Variants in KICS2 observed in about 807,000 individuals in gnomAD.
KICS2 encodes the protein KICSTOR complex protein C12orf66.
In KICS2, 13 loss-of-function variants were observed where a neutral mutation model predicts 31.4. The observed-to-expected ratio is 0.41, with a 90% CI of 0.27 to 0.66. The LOEUF (loss-of-function observed/expected upper bound fraction) is 0.66. Ranked by LOEUF, KICS2 falls within the 30% of genes least tolerant of loss-of-function variation. The pLI is 0.28. For missense variants in KICS2, 455 were observed against 545.4 expected (o/e 0.83, Z 1.65); for synonymous variants, 209 against 214.8 (o/e 0.97, Z 0.24).
rs1479299805 is a variant in KICS2 at position 64,191,902 on chromosome 12, C to G, written c.*1940G>C. The G allele has an allele frequency of 2.0e-5, 3 of 151,946 alleles. No homozygotes were observed. Among genetic ancestry groups the G allele is most frequent in the Non-Finnish European group, 4.4e-5 (3 of 68,068 alleles). 9.4% of individuals were successfully genotyped at this position (151,946 alleles called of 1,614,324 possible). ...CCAGCCCGAGCAACATAGTGAGACC[C>G]AGGTGTGATGGCTCATGCCTGTAAT... is the stretch of plus-strand genomic sequence containing the variant. On this transcript the variant is annotated 3_prime_UTR_variant, in exon 3 of 3. Coordinates refer to ENST00000398055, the MANE Select transcript of KICS2 (RefSeq NM_152440.5).
At chr12:64,194,686 G>C (rs1272837057) in intron 2 of KICS2, 28 bp from the exon 3 acceptor site, 1 of 1,565,618 alleles carries the variant, frequency 6.4e-7, no homozygotes, top group Non-Finnish European at 8.7e-7. Context: ...ATAGAGATAA[G>C]TGGAAATGTT....
intron 1 of KICS2, among the ~76,000 whole-genome samples, chr12:64,221,082 A>C (rs1434445919): frequency 1.5e-5 from 2 of 137,036 alleles, no homozygotes; most frequent in Admixed American, 1.5e-4. Flanking sequence ...CAGGCAATAT[A>C]AGGAAAGTAG....
intron 2 of KICS2, among the ~76,000 whole-genome samples, chr12:64,210,546 C>T (rs1235074411): frequency 6.6e-6 from 1 of 152,088 alleles, no homozygotes; most frequent in Non-Finnish European, 1.5e-5. Context: ...AAGGCCAAGG[C>T]AGGAGGATGG....
downstream of KICS2, among the ~76,000 whole-genome samples, chr12:64,188,790 T>C (rs767111261): frequency 5.3e-5 from 8 of 152,162 alleles, no homozygotes; most frequent in Admixed American, 1.3e-4. Flanking sequence ...TAAATTCATA[T>C]ACATTTCTTT....
rs115517533 is a variant in KICS2 at position 64,213,457 on chromosome 12, C to A, written c.521+2221G>T. Among the ~76,000 whole-genome samples, 515 of 152,206 alleles carry A rather than the reference C, an allele frequency of 3.4e-3. 4 individuals are homozygous for A. The highest frequency in any genetic ancestry group is 0.012 in the African/African-American group (488 of 41,522). On this transcript the variant is annotated intron_variant, in intron 2 of 2. Coordinates refer to ENST00000398055, the MANE Select transcript of KICS2 (RefSeq NM_152440.5). ...TCTATAAAAGGTGCACTATTTATAC[C>A]TGTACTTCAAACCAGGTAACCAAGA...
In KICS2 at chr12:64,193,573, A is replaced by G; in HGVS notation, c.*269T>C. ...CCAATAAATATTCAATCTACAAGAA[A>G]TATAGCAAAATAGGGGAAAATACTG... On this transcript the variant is annotated 3_prime_UTR_variant, in exon 3 of 3. Transcript: ENST00000398055. 1 of 1,201,586 alleles carries G rather than the reference A, an allele frequency of 8.3e-7. No individual in the cohort carries two copies. The highest frequency in any genetic ancestry group is 3.9e-5 in the East Asian group (1 of 25,770). The allele number at this position is 1,201,586 out of a possible 1,614,324, so 74.4% of individuals were successfully genotyped here.
At chr12:64,187,627 G>C (rs762625131), downstream of KICS2, 7 of 1,535,534 alleles carry the variant, frequency 4.6e-6, no homozygotes, top group African/African-American at 8.2e-5. Flanking sequence ...AAAAGGCCAC[G>C]AAATAATTGC....
In KICS2 at chr12:64,192,015, C is replaced by T. The variant is rs1401303819; in HGVS notation, c.*1827G>A. ...GAGTTGTGATTGTGCCACTGTACTCCAGCCTGGAAAACAGACAAGACCCTG... is the reference window on the plus strand; with the variant it reads ...GAGTTGTGATTGTGCCACTGTACTCTAGCCTGGAAAACAGACAAGACCCTG... On this transcript the variant is annotated 3_prime_UTR_variant, in exon 3 of 3. Coordinates refer to ENST00000398055, the MANE Select transcript of KICS2 (RefSeq NM_152440.5). 7.7e-6 allele frequency: 1 copy of T among 130,132 alleles called. No homozygotes were observed. The highest frequency in any genetic ancestry group is 2.3e-4 in the East Asian group (1 of 4,300). The allele number at this position is 130,132 out of a possible 1,614,324, so 8.1% of individuals were successfully genotyped here. A position where few individuals can be genotyped will look rare whatever the true frequency, so the allele number is the denominator to read the frequency against.
chr12:64,196,661 G>C (rs1437664706), intron 2 of KICS2, among the ~76,000 whole-genome samples: 1 of 145,068 alleles, frequency 6.9e-6, no homozygotes, highest in African/African-American at 2.5e-5. Context: ...TGAGCTACGG[G>C]AGGACATTCA....
intron 2 of KICS2, among the ~76,000 whole-genome samples, chr12:64,214,754 G>A (rs2037613157): frequency 6.6e-6 from 1 of 152,052 alleles, no homozygotes; most frequent in Non-Finnish European, 1.5e-5. Context: ...AGTGGCATGT[G>A]CCTGTAATCT....
chr12:64,215,031 T>C (rs1160908914), intron 2 of KICS2, among the ~76,000 whole-genome samples: 1 of 151,620 alleles, frequency 6.6e-6, no homozygotes, highest in Non-Finnish European at 1.5e-5. Flanking sequence ...TTCAGCCAGG[T>C]GCATTGGCTC....
Position 64,192,524 on chromosome 12 carries a change from C to T in KICS2, c.*1318G>A. 1 of 823,406 alleles carries T rather than the reference C, an allele frequency of 1.2e-6. No individual in the cohort carries two copies. The highest frequency in any genetic ancestry group is 1.5e-6 in the Non-Finnish European group (1 of 682,344). The allele number at this position is 823,406 out of a possible 1,614,324, so 51.0% of individuals were successfully genotyped here. A position where few individuals can be genotyped will look rare whatever the true frequency, so the allele number is the denominator to read the frequency against. On this transcript the variant is annotated 3_prime_UTR_variant, in exon 3 of 3. Transcript: ENST00000398055. Reference sequence around the variant, plus strand: ...GTCTCTGCTGATGTTGCTGGCATACCTGCTGTGGACACCCAGTAAAACAGT... The same window carrying T: ...GTCTCTGCTGATGTTGCTGGCATACTTGCTGTGGACACCCAGTAAAACAGT...
downstream of KICS2, among the ~76,000 whole-genome samples, chr12:64,189,803 G>A (rs186757385): frequency 2.0e-5 from 3 of 152,178 alleles, no homozygotes; most frequent in African/African-American, 7.2e-5. Context: ...TGATAAAATG[G>A]TGAATACAAG....
intron 2 of KICS2, among the ~76,000 whole-genome samples, chr12:64,210,804 A>T (rs1303660389): frequency 6.6e-6 from 1 of 152,164 alleles, no homozygotes; most frequent in Non-Finnish European, 1.5e-5. Flanking sequence ...TAGGGCACAA[A>T]TCTAATAAAA....
At chr12:64,186,992 G>A (rs752981967), downstream of KICS2, 3 of 152,164 alleles carry the variant, frequency 2.0e-5, no homozygotes, top group East Asian at 1.9e-4. Flanking sequence ...CTACATTGTC[G>A]TATCTTGTCA....
chr12:64,206,803 T>G (rs1174886031), intron 2 of KICS2, among the ~76,000 whole-genome samples: 2 of 152,116 alleles, frequency 1.3e-5, no homozygotes, highest in Non-Finnish European at 2.9e-5. Context: ...AGACAAATAC[T>G]GTATGATTCT....
At chr12:64,221,257 T>C (rs1475026651) in intron 1 of KICS2, among the ~76,000 whole-genome samples, 1 of 152,210 alleles carries the variant, frequency 6.6e-6, no homozygotes, top group African/African-American at 2.4e-5. Context: ...CTGAAACCCC[T>C]AGGATTCAAA....
downstream of KICS2, chr12:64,187,212 G>A (rs928853755): frequency 1.2e-5 from 2 of 169,942 alleles, no homozygotes; most frequent in Non-Finnish European, 2.5e-5. Context: ...AATGTCAAGC[G>A]CCATCCTCCG....
downstream of KICS2, among the ~76,000 whole-genome samples, chr12:64,188,157 G>A (rs1565711868): frequency 6.6e-6 from 1 of 152,210 alleles, no homozygotes; most frequent in African/African-American, 2.4e-5. Context: ...ACTGGTGTAT[G>A]TCCTGGATCT....
Sources: allele counts gnomAD v4.1 joint callset (sites outside exome capture counted in the v4.1 genomes callset), GRCh38; gene constraint gnomAD v4.1.1; transcripts MANE v1.5; gene names NCBI Gene and HGNC (gene_info 2026-07-23, HGNC 2026-07-21).